The following MED13L variants were observed in gnomAD, a reference collection of about 807,000 sequenced individuals.
The protein encoded by MED13L is mediator of RNA polymerase II transcription subunit 13-like.
MED13L carries 7 observed loss-of-function variants against 220.9 expected under a neutral mutation model. The observed-to-expected ratio is 0.03, with a 90% CI of 0.02 to 0.06. MED13L has a LOEUF of 0.06. Among genes scored for constraint, MED13L ranks in the 10% least tolerant of loss-of-function variants. MED13L has a pLI of 1.00. For synonymous variants in MED13L, 1,011 were observed against 1,015.2 expected (o/e 1.00, Z 0.08); for missense variants, 1,965 against 2,760.5 (o/e 0.71, Z 6.46).
intron 2 of MED13L, 51 bp from the exon 3 acceptor site, chr12:116,111,563 C>A (rs776269902): frequency 6.5e-6 from 9 of 1,394,248 alleles, no homozygotes; most frequent in Admixed American, 2.0e-5. Flanking sequence ...AAAGGACATC[C>A]AAATAAAAAG....
At chr12:116,252,617 C>T (rs1402196273) in intron 1 of MED13L, among the ~76,000 whole-genome samples, 1 of 150,870 alleles carries the variant, frequency 6.6e-6, no homozygotes, top group Non-Finnish European at 1.5e-5. Flanking sequence ...AGAAATTAAA[C>T]CAAAAGTAAA....
chr12:116,275,637 T>G (rs970726222), intron 1 of MED13L, among the ~76,000 whole-genome samples: 1 of 152,216 alleles, frequency 6.6e-6, no homozygotes, highest in African/African-American at 2.4e-5. Flanking sequence ...CTAAATTATT[T>G]ATCCAGTGTA....
At chr12:116,230,931 T>C (rs917695841) in intron 2 of MED13L, among the ~76,000 whole-genome samples, 1 of 152,210 alleles carries the variant, frequency 6.6e-6, no homozygotes, top group Non-Finnish European at 1.5e-5. Context: ...TTTTGGAAAA[T>C]TCAATGTCAA....
chr12:116,251,102 T>TA (rs1189427985), intron 1 of MED13L, among the ~76,000 whole-genome samples: 1 of 133,052 alleles, frequency 7.5e-6, no homozygotes, highest in Non-Finnish European at 1.6e-5. Flanking sequence ...AATGGAGCCA[T>TA]AAAAAATACT....
chr12:116,071,015 T>C (rs1304428491), intron 4 of MED13L, among the ~76,000 whole-genome samples: 1 of 152,210 alleles, frequency 6.6e-6, no homozygotes. Flanking sequence ...ATTCAGAAGA[T>C]AATAAAATTT....
intron 10 of MED13L, 148 bp from the exon 11 acceptor site, chr12:116,007,784 T>C: frequency 1.4e-6 from 1 of 697,766 alleles, no homozygotes; most frequent in Non-Finnish European, 2.4e-6. Context: ...AAAATTAGCA[T>C]ACTTTGTCAA....
chr12:116,256,815 A>T (rs918668843), intron 1 of MED13L, among the ~76,000 whole-genome samples: 2 of 150,212 alleles, frequency 1.3e-5, no homozygotes, highest in Non-Finnish European at 2.9e-5. Flanking sequence ...CCTCCAGAGT[A>T]GCTGGGACTA....
In MED13L at chr12:116,237,690, T is replaced by C. The variant is rs2138459773; in HGVS notation, c.88A>G (p.Ile30Val). 4 of 1,614,180 alleles carry C rather than the reference T, an allele frequency of 2.5e-6. No individual in the cohort carries two copies. Among genetic ancestry groups the C allele is most frequent in the Non-Finnish European group, 3.4e-6 (4 of 1,180,010 alleles). Residue 30 changes from isoleucine (I) to valine (V), a missense_variant, in exon 2 of 31, where the codon ATC becomes GTC. Coordinates refer to ENST00000281928, the MANE Select transcript of MED13L (RefSeq NM_015335.5). ...NLFSLAELTGIKWRRYNFGGH... is the reference protein window; with the variant it reads ...NLFSLAELTGVKWRRYNFGGH... ...CCAAAATTGTACCTACGCCATTTGA[T>C]TCCCGTGAGTTCAGCCTGGAAAAAG...
chr12:116,105,978 C>A (rs752201473), intron 3 of MED13L, among the ~76,000 whole-genome samples: 3 of 152,200 alleles, frequency 2.0e-5, no homozygotes, highest in Non-Finnish European at 4.4e-5. Context: ...ATGTGCTCTG[C>A]CACTGCTCTG....
intron 4 of MED13L, among the ~76,000 whole-genome samples, chr12:116,083,359 G>A (rs541701283): frequency 2.9e-4 from 41 of 140,982 alleles, no homozygotes; most frequent in Admixed American, 7.6e-4. Flanking sequence ...TCAAAATCGC[G>A]TCACTGCACT....
chr12:116,119,319 C>T (rs1014738157), intron 2 of MED13L, among the ~76,000 whole-genome samples: 8 of 152,088 alleles, frequency 5.3e-5, no homozygotes, highest in Admixed American at 4.6e-4. Context: ...GGAACAGAGG[C>T]TTCAAGATCA....
At chr12:116,254,679 C>A (rs1282716781) in intron 1 of MED13L, among the ~76,000 whole-genome samples, 2 of 151,504 alleles carry the variant, frequency 1.3e-5, no homozygotes, top group Non-Finnish European at 2.9e-5. Context: ...ACTGCTTGAA[C>A]TAGAGAGGCG....
intron 2 of MED13L, among the ~76,000 whole-genome samples, chr12:116,172,377 G>A (rs1297327878): frequency 3.9e-5 from 6 of 152,138 alleles, no homozygotes. Context: ...CATTGTTCCA[G>A]GTAGCCTGCT....
rs558128163 is a variant in MED13L at position 116,128,446 on chromosome 12, A to G, written c.311-16934T>C. 1.5e-4 allele frequency among the ~76,000 whole-genome samples: 16 copies of G among 105,104 alleles called. No homozygotes were observed. The East Asian group carries it at 2.6e-3, about 17-fold the overall frequency. 69.0% of individuals were successfully genotyped at this position (105,104 alleles called of 152,430 possible). ...TGACTAATGAAGGGTATTCTTGAGGAAAAAAAAAAACAAGAAAATAAATTA... is the reference window on the plus strand; with the variant it reads ...TGACTAATGAAGGGTATTCTTGAGGGAAAAAAAAAACAAGAAAATAAATTA... On this transcript the variant is annotated intron_variant, in intron 2 of 30. Transcript: ENST00000281928.
intron 2 of MED13L, among the ~76,000 whole-genome samples, chr12:116,160,700 G>A (rs769710713): frequency 8.6e-5 from 13 of 151,952 alleles, no homozygotes; most frequent in Non-Finnish European, 1.3e-4. Flanking sequence ...AGCCTCCTGA[G>A]TAGCGGGACT....
At chr12:115,964,014 G>C (rs1367742299) in intron 29 of MED13L, among the ~76,000 whole-genome samples, 1 of 152,088 alleles carries the variant, frequency 6.6e-6, no homozygotes, top group East Asian at 1.9e-4. Context: ...TTGAGCCTGG[G>C]AGGATGAGGA....
At chr12:116,048,075 G>A (rs998409262) in intron 4 of MED13L, among the ~76,000 whole-genome samples, 4 of 150,736 alleles carry the variant, frequency 2.7e-5, no homozygotes, top group Non-Finnish European at 5.9e-5. Flanking sequence ...CTTGTGTGTC[G>A]AACTACACCA....
intron 4 of MED13L, among the ~76,000 whole-genome samples, chr12:116,078,978 G>A (rs1399600429): frequency 6.6e-6 from 1 of 152,162 alleles, no homozygotes; most frequent in African/African-American, 2.4e-5. Flanking sequence ...CTTTCTCCAA[G>A]TGTACAGTGG....
intron 4 of MED13L, among the ~76,000 whole-genome samples, chr12:116,032,823 A>G (rs1880934715): frequency 6.6e-6 from 1 of 152,138 alleles, no homozygotes; most frequent in African/African-American, 2.4e-5. Context: ...GTCTCTCTCT[A>G]CATTATGTTC....
Sources: allele counts gnomAD v4.1 joint callset (sites outside exome capture counted in the v4.1 genomes callset), GRCh38; gene constraint gnomAD v4.1.1; transcripts MANE v1.5; gene names NCBI Gene and HGNC (gene_info 2026-07-23, HGNC 2026-07-21).